The following USP22 variants were observed in gnomAD, a reference collection of about 807,000 sequenced individuals.
The protein encoded by USP22 is ubiquitin carboxyl-terminal hydrolase 22.
USP22 carries 22 observed loss-of-function variants against 68.1 expected under a neutral mutation model. The ratio of observed to expected loss-of-function variants is 0.32; its 90% CI spans 0.23 to 0.46. The LOEUF (loss-of-function observed/expected upper bound fraction) is 0.46, where lower values mean the gene tolerates loss of function less well. Among genes scored for constraint, USP22 ranks in the 20% least tolerant of loss-of-function variants. The probability of loss-of-function intolerance (pLI) is 1.00; values close to 1 mark genes in which losing one functional copy is unlikely to be tolerated. For missense variants in USP22, 433 were observed against 695.8 expected (o/e 0.62, Z 4.25); for synonymous variants, 279 against 274.2 (o/e 1.02, Z -0.17).
At chr17:21,041,837 A>C (rs1972437052) in intron 1 of USP22, among the ~76,000 whole-genome samples, 2 of 152,246 alleles carry the variant, frequency 1.3e-5, no homozygotes, top group African/African-American at 2.4e-5. Flanking sequence ...GGGACGCAAG[A>C]CTGGGCTCCC....
In USP22 at chr17:21,002,436, T is replaced by C. The variant is rs1041924240; in HGVS notation, c.*595A>G. On this transcript the variant is annotated 3_prime_UTR_variant, in exon 13 of 13. Coordinates refer to ENST00000261497, the MANE Select transcript of USP22 (RefSeq NM_015276.2). Reference sequence around the variant, plus strand: ...CGAGATGCTTCCACGTGCAGCTTGATGCTGTTACCTGCAGAACAGACACGC... The same window carrying C: ...CGAGATGCTTCCACGTGCAGCTTGACGCTGTTACCTGCAGAACAGACACGC... 3 of 152,712 alleles carry C rather than the reference T, an allele frequency of 2.0e-5. No individual in the cohort carries two copies. In the South Asian group the frequency reaches 6.2e-4, roughly 32 times the overall value. The allele number at this position is 152,712 out of a possible 1,614,324, so 9.5% of individuals were successfully genotyped here. A position where few individuals can be genotyped will look rare whatever the true frequency, so the allele number is the denominator to read the frequency against.
intron 1 of USP22, among the ~76,000 whole-genome samples, chr17:21,031,528 C>T (rs1000568569): frequency 7.3e-5 from 11 of 151,478 alleles, no homozygotes; most frequent in African/African-American, 2.4e-4. Flanking sequence ...ATGCTACACA[C>T]TCCATTATAG....
chr17:21,000,985 G>A lies in USP22; in HGVS notation c.*2046C>T, dbSNP rs1480847228. On this transcript the variant is annotated 3_prime_UTR_variant, in exon 13 of 13. Coordinates refer to ENST00000261497, the MANE Select transcript of USP22 (RefSeq NM_015276.2). ...GAACTGCTTGAACCCAGGAGGTGGA[G>A]GTTGCAGTGAGCCGAGACTGTGCCA... is the stretch of plus-strand genomic sequence containing the variant. 1 of 147,028 alleles carries A rather than the reference G, an allele frequency of 6.8e-6. No individual in the cohort carries two copies. Among genetic ancestry groups the A allele is most frequent in the South Asian group, 2.2e-4 (1 of 4,526 alleles). The allele number at this position is 147,028 out of a possible 1,614,324, so 9.1% of individuals were successfully genotyped here. A position where few individuals can be genotyped will look rare whatever the true frequency, so the allele number is the denominator to read the frequency against.
chr17:21,008,714 G>C (rs1263338976), intron 8 of USP22, among the ~76,000 whole-genome samples: 2 of 152,146 alleles, frequency 1.3e-5, no homozygotes, highest in African/African-American at 4.8e-5. Flanking sequence ...ACCATCGGGG[G>C]ACCGGGGTAA....
At chr17:21,031,453 C>T (rs1270167868) in intron 1 of USP22, among the ~76,000 whole-genome samples, 4 of 152,218 alleles carry the variant, frequency 2.6e-5, no homozygotes, top group Admixed American at 1.3e-4. Context: ...TCTATCTCTA[C>T]TACACAACCT....
intron 4 of USP22, among the ~76,000 whole-genome samples, chr17:21,018,690 T>C (rs1337913093): frequency 7.0e-6 from 1 of 142,700 alleles, no homozygotes; most frequent in Non-Finnish European, 1.5e-5. Flanking sequence ...AGAGCAAGAC[T>C]CTGTCTCAAA....
intron 1 of USP22, among the ~76,000 whole-genome samples, chr17:21,034,589 A>C (rs536935894): frequency 6.6e-6 from 1 of 152,306 alleles, no homozygotes; most frequent in South Asian, 2.1e-4. Flanking sequence ...GCTCTGTCCC[A>C]TGACCATCCC....
intron 2 of USP22, among the ~76,000 whole-genome samples, chr17:21,025,296 T>C (rs1972206209): frequency 6.6e-6 from 1 of 152,046 alleles, no homozygotes; most frequent in Non-Finnish European, 1.5e-5. Flanking sequence ...CACTGGTCAT[T>C]AAGAAAATGA....
At chr17:21,015,009 C>T (rs1192295841) in intron 6 of USP22, among the ~76,000 whole-genome samples, 1 of 152,224 alleles carries the variant, frequency 6.6e-6, no homozygotes, top group East Asian at 1.9e-4. Flanking sequence ...AGCCCACACT[C>T]ATCTGAGAAT....
At chr17:21,021,363 C>G in intron 2 of USP22, 137 bp from the exon 3 acceptor site, 1 of 642,490 alleles carries the variant, frequency 1.6e-6, no homozygotes, top group South Asian at 1.8e-5. Context: ...AGCAGGGAAG[C>G]CAGTCCAGCG....
chr17:21,011,955 C>G (rs1913984011), intron 7 of USP22, among the ~76,000 whole-genome samples: 1 of 152,168 alleles, frequency 6.6e-6, no homozygotes, highest in South Asian at 2.1e-4. Flanking sequence ...TTCTAATACT[C>G]AGAGACAAGG....
intron 1 of USP22, among the ~76,000 whole-genome samples, chr17:21,039,352 CG>C (rs1445586676): frequency 1.3e-5 from 2 of 151,300 alleles, no homozygotes; most frequent in East Asian, 2.0e-4. Context: ...CCAAGATGGG[CG>C]GATCACCTGA....
chr17:21,011,422 G>A (rs1206302755), intron 7 of USP22, 113 bp from the exon 8 acceptor site: 2 of 1,363,718 alleles, frequency 1.5e-6, no homozygotes, highest in Non-Finnish European at 2.0e-6. Flanking sequence ...CTTTGTCACA[G>A]TGACACTCAG....
intron 2 of USP22, among the ~76,000 whole-genome samples, chr17:21,028,144 TA>T (rs917074210): frequency 6.6e-6 from 1 of 152,148 alleles, no homozygotes; most frequent in Non-Finnish European, 1.5e-5. Context: ...CTGAAGGCCA[TA>T]AAATCACCTA....
At chr17:21,017,748 G>A (rs577582459) in intron 5 of USP22, among the ~76,000 whole-genome samples, 194 bp downstream of exon 5, 13 of 152,292 alleles carry the variant, frequency 8.5e-5, no homozygotes, top group African/African-American at 3.1e-4. Context: ...TCAGCAGTGC[G>A]TCCCCAAAAA....
chr17:21,013,044 T>C, intron 6 of USP22, 109 bp from the exon 7 acceptor site: 1 of 943,908 alleles, frequency 1.1e-6, no homozygotes, highest in Non-Finnish European at 1.7e-6. Flanking sequence ...GCCAACGCTT[T>C]AAAAGGCCAT....
Position 21,036,030 on chromosome 17 carries a change from C to CAAAAAAAAAAAAAAA in USP22, c.171+6620_171+6634dup, listed in dbSNP as rs35324126. Among the ~76,000 whole-genome samples the CAAAAAAAAAAAAAAA allele has an allele frequency of 1.3e-4, 8 of 59,640 alleles. 1 individual carries two copies. The highest frequency in any genetic ancestry group is 5.3e-4 in the African/African-American group (6 of 11,266). 39.1% of individuals were successfully genotyped at this position (59,640 alleles called of 152,430 possible). ...TGGGCGACAGAGCAAGACTCCGTCT[C>CAAAAAAAAAAAAAAA]AAAAAAAAAAAAAAAAAAAAAAAAA... On this transcript the variant is annotated intron_variant, in intron 1 of 12. Transcript: ENST00000261497.
At chr17:21,029,032 G>A (rs548756350) in intron 1 of USP22, among the ~76,000 whole-genome samples, 1 of 149,326 alleles carries the variant, frequency 6.7e-6, no homozygotes, top group East Asian at 1.9e-4. Flanking sequence ...CCCTTAACCT[G>A]GACATCATTT....
chr17:21,018,260 G>T, intron 4 of USP22, 149 bp from the exon 5 acceptor site: 1 of 703,642 alleles, frequency 1.4e-6, no homozygotes, highest in Non-Finnish European at 2.2e-6. Flanking sequence ...CATTCTGCTA[G>T]TTTTTATGCC....
Sources: allele counts gnomAD v4.1 joint callset (sites outside exome capture counted in the v4.1 genomes callset), GRCh38; gene constraint gnomAD v4.1.1; transcripts MANE v1.5; gene names NCBI Gene and HGNC (gene_info 2026-07-23, HGNC 2026-07-21).